Variants in MTREX observed in about 807,000 individuals in gnomAD.
MTREX encodes Mtr4 exosome RNA helicase, also known as exosome RNA helicase MTR4.
In MTREX, 76 loss-of-function variants were observed where a neutral mutation model predicts 135.4. The ratio of observed to expected loss-of-function variants is 0.56; its 90% CI spans 0.47 to 0.68. The LOEUF (loss-of-function observed/expected upper bound fraction) is 0.68. MTREX is among the 30% of genes least tolerant of loss of function. The probability of loss-of-function intolerance (pLI) is 0.00; values close to 1 mark genes in which losing one functional copy is unlikely to be tolerated. For missense variants in MTREX, 920 were observed against 1,262.1 expected, an observed-to-expected ratio of 0.73 and a Z score of 4.11; for synonymous variants, 404 against 401.6, an observed-to-expected ratio of 1.01 and a Z score of -0.07.
intron 20 of MTREX, among the ~76,000 whole-genome samples, chr5:55,399,381 G>C (rs1750689089): frequency 1.3e-5 from 2 of 152,258 alleles, no homozygotes; most frequent in East Asian, 3.9e-4. Flanking sequence ...TTCTCAGTAG[G>C]ATACCAGCCT....
intron 1 of MTREX, among the ~76,000 whole-genome samples, chr5:55,321,295 G>A (rs915903625): frequency 3.3e-5 from 5 of 152,152 alleles, no homozygotes; most frequent in Non-Finnish European, 7.3e-5. Flanking sequence ...TCTGTCATAA[G>A]TAATGGTGTT....
intron 14 of MTREX, among the ~76,000 whole-genome samples, chr5:55,355,476 A>G (rs1372455400): frequency 6.6e-6 from 1 of 152,178 alleles, no homozygotes; most frequent in Non-Finnish European, 1.5e-5. Context: ...ATGGACATCC[A>G]AGGGGGAAAG....
chr5:55,380,541 T>A (rs1750379675), intron 18 of MTREX, among the ~76,000 whole-genome samples: 1 of 152,180 alleles, frequency 6.6e-6, no homozygotes, highest in Non-Finnish European at 1.5e-5. Context: ...TGATTTTTGC[T>A]TTTTATTCTA....
At chr5:55,351,500 C>G (rs1400732537) in intron 13 of MTREX, among the ~76,000 whole-genome samples, 1 of 152,162 alleles carries the variant, frequency 6.6e-6, no homozygotes, top group African/African-American at 2.4e-5. Context: ...CCATTGTACT[C>G]CAGCCTGGAC....
chr5:55,358,530 C>A, intron 14 of MTREX, 43 bp from the exon 15 acceptor site: 3 of 1,496,336 alleles, frequency 2.0e-6, no homozygotes, highest in South Asian at 1.3e-5. Flanking sequence ...TGTTTTTTAC[C>A]AGTTTTTTTC....
chr5:55,392,362 G>A (rs942083099), intron 19 of MTREX, among the ~76,000 whole-genome samples: 6 of 151,960 alleles, frequency 3.9e-5, no homozygotes, highest in African/African-American at 1.2e-4. Context: ...TGGCCAACGT[G>A]GCCAAAACCC....
intron 20 of MTREX, among the ~76,000 whole-genome samples, chr5:55,397,746 G>C (rs939325022): frequency 2.6e-5 from 4 of 152,108 alleles, no homozygotes; most frequent in Non-Finnish European, 5.9e-5. Context: ...AGTAAAGGAG[G>C]ACTCACAAGG....
At chr5:55,338,817 G>C (rs187151322) in intron 5 of MTREX, among the ~76,000 whole-genome samples, 1 of 108,918 alleles carries the variant, frequency 9.2e-6, no homozygotes, top group Non-Finnish European at 1.7e-5. Flanking sequence ...TTGAGACACA[G>C]TCTCACTCTG....
chr5:55,402,472 G>C (rs1231902713), intron 21 of MTREX, among the ~76,000 whole-genome samples: 1 of 152,192 alleles, frequency 6.6e-6, no homozygotes, highest in Non-Finnish European at 1.5e-5. Flanking sequence ...CATCCTTGGA[G>C]GTGGTTTGAA....
intron 19 of MTREX, among the ~76,000 whole-genome samples, chr5:55,388,716 C>G (rs1282298895): frequency 2.6e-5 from 4 of 152,102 alleles, no homozygotes; most frequent in Non-Finnish European, 5.9e-5. Flanking sequence ...CTACTTACAA[C>G]TAGTTTATCA....
intron 5 of MTREX, chr5:55,329,326 T>G (rs1749431629): frequency 6.6e-6 from 1 of 151,792 alleles, no homozygotes; most frequent in South Asian, 2.1e-4. Flanking sequence ...CCATCACACC[T>G]GGCTAATTTT....
chr5:55,384,537 T>C (rs954093423), intron 18 of MTREX, among the ~76,000 whole-genome samples: 1 of 152,232 alleles, frequency 6.6e-6, no homozygotes, highest in Non-Finnish European at 1.5e-5. Context: ...TGCCTACATT[T>C]TTCCCTGTTC....
chr5:55,383,911 A>G (rs1750437296), intron 18 of MTREX, among the ~76,000 whole-genome samples: 1 of 152,170 alleles, frequency 6.6e-6, no homozygotes, highest in African/African-American at 2.4e-5. Flanking sequence ...CTGGGACTAC[A>G]GGTGTGCACC....
chr5:55,423,032 G>C, intron 26 of MTREX, 50 bp downstream of exon 26: 1 of 1,459,682 alleles, frequency 6.9e-7, no homozygotes, highest in Non-Finnish European at 9.5e-7. Flanking sequence ...ATTTGGTGAA[G>C]CAAATCTTGA....
intron 21 of MTREX, among the ~76,000 whole-genome samples, chr5:55,404,172 C>T (rs1750765515): frequency 6.6e-6 from 1 of 152,156 alleles, no homozygotes; most frequent in South Asian, 2.1e-4. Context: ...AATAAACAGT[C>T]TAAAAAATTC....
At position 55,308,362 on chromosome 5, in the gene MTREX, C is replaced by T. The variant is rs190696250; in HGVS notation, c.134+215C>T. On this transcript the variant is annotated intron_variant, in intron 1 of 26. Transcript: ENST00000230640. ...TGGTGTCTGCAGGCAGCGTGATCTTCTGCTTCAATTCCCTTACGTCGATGT... is the reference window on the plus strand; with the variant it reads ...TGGTGTCTGCAGGCAGCGTGATCTTTTGCTTCAATTCCCTTACGTCGATGT... Among the ~76,000 whole-genome samples the T allele has an allele frequency of 2.0e-5, 3 of 152,122 alleles. No homozygotes were observed. The East Asian group carries it at 5.8e-4, about 30-fold the overall frequency.
intron 19 of MTREX, among the ~76,000 whole-genome samples, chr5:55,396,617 A>G (rs1243104424): frequency 6.6e-6 from 1 of 152,204 alleles, no homozygotes; most frequent in African/African-American, 2.4e-5. Flanking sequence ...GAACCTTTCT[A>G]CCTGTACTAG....
At chr5:55,338,396 T>C (rs1227265374) in intron 5 of MTREX, among the ~76,000 whole-genome samples, 1 of 152,126 alleles carries the variant, frequency 6.6e-6, no homozygotes, top group Non-Finnish European at 1.5e-5. Flanking sequence ...TTCTCTTATG[T>C]ATTGAGTTTT....
At chr5:55,385,035 T>C (rs946495062) in intron 18 of MTREX, among the ~76,000 whole-genome samples, 16 of 152,226 alleles carry the variant, frequency 1.1e-4, no homozygotes, top group African/African-American at 3.6e-4. Flanking sequence ...AGTCTTGAAT[T>C]TCCTCAGGCT....
Sources: gnomAD v4.1 joint callset for allele counts (sites outside exome capture counted in the v4.1 genomes callset) on GRCh38, gnomAD v4.1.1 for gene constraint, MANE v1.5 for transcripts, NCBI Gene and HGNC (gene_info 2026-07-23, HGNC 2026-07-21) for gene names.